SNX9: variants seen among roughly 807,000 people sequenced by gnomAD.
SNX9 encodes sorting nexin-9.
In SNX9, 44 loss-of-function variants were observed where a neutral mutation model predicts 89.4. The ratio of observed to expected loss-of-function variants is 0.49; its 90% CI spans 0.39 to 0.63. SNX9 has a LOEUF of 0.63. SNX9 is among the 30% of genes least tolerant of loss of function. SNX9 has a pLI of 0.00. For synonymous variants in SNX9, 236 were observed against 247.8 expected (o/e 0.95, Z 0.45); for missense variants, 578 against 736.1 (o/e 0.79, Z 2.49).
At chr6:157,829,546 T>G (rs1318421054) in intron 1 of SNX9, 1 of 152,212 alleles carries the variant, frequency 6.6e-6, no homozygotes, top group African/African-American at 2.4e-5. Context: ...CCTTACTAAT[T>G]GTGTTCCTCT....
intron 6 of SNX9, among the ~76,000 whole-genome samples, chr6:157,902,456 A>C (rs1028850676): frequency 2.4e-4 from 37 of 152,100 alleles, no homozygotes; most frequent in African/African-American, 8.7e-4. Context: ...TATCATTCGC[A>C]TGTAGCCCTC....
intron 4 of SNX9, 40 bp downstream of exon 4, chr6:157,875,216 C>T (rs368188192): frequency 1.3e-5 from 21 of 1,583,232 alleles, no homozygotes; most frequent in African/African-American, 8.1e-5. Flanking sequence ...GCTGGCTTTA[C>T]GGAAAACAGA....
At chr6:157,833,652 C>T (rs1781516588) in intron 1 of SNX9, among the ~76,000 whole-genome samples, 1 of 152,170 alleles carries the variant, frequency 6.6e-6, no homozygotes, top group African/African-American at 2.4e-5. Flanking sequence ...CCACCATGTG[C>T]CTTCTCCCTC....
chr6:157,879,913 A>G (rs910902310), intron 4 of SNX9, among the ~76,000 whole-genome samples: 3 of 152,246 alleles, frequency 2.0e-5, no homozygotes, highest in Admixed American at 1.3e-4. Flanking sequence ...TTTAAAAGCT[A>G]CTTAAAAGTT....
intron 1 of SNX9, among the ~76,000 whole-genome samples, chr6:157,828,117 A>T (rs1332049694): frequency 2.0e-5 from 3 of 152,156 alleles, no homozygotes; most frequent in Non-Finnish European, 4.4e-5. Flanking sequence ...GGTCTTAAGG[A>T]TTAAAGTTGA....
chr6:157,892,212 A>G (rs1050015286), intron 4 of SNX9, among the ~76,000 whole-genome samples: 26 of 152,204 alleles, frequency 1.7e-4, no homozygotes, highest in Non-Finnish European at 2.4e-4. Flanking sequence ...GTCTGTAGTT[A>G]GGGAACTACC....
At chr6:157,931,629 C>T (rs1163668421) in intron 12 of SNX9, among the ~76,000 whole-genome samples, 1 of 152,204 alleles carries the variant, frequency 6.6e-6, no homozygotes, top group Non-Finnish European at 1.5e-5. Flanking sequence ...CCTGGTCATG[C>T]GAAGTCTGAC....
At chr6:157,872,622 C>T (rs913668234) in intron 2 of SNX9, 2 of 152,570 alleles carry the variant, frequency 1.3e-5, no homozygotes, top group African/African-American at 4.8e-5. Context: ...TAGCAACCCA[C>T]ATTAATTCGT....
intron 3 of SNX9, 53 bp downstream of exon 3, chr6:157,873,229 T>C (rs1782451221): frequency 2.1e-6 from 3 of 1,424,472 alleles, no homozygotes; most frequent in Non-Finnish European, 2.8e-6. Flanking sequence ...CAGGCATCTT[T>C]TTATGAATTA....
intron 1 of SNX9, among the ~76,000 whole-genome samples, chr6:157,866,756 G>A (rs1782271047): frequency 6.6e-6 from 1 of 152,124 alleles, no homozygotes; most frequent in Non-Finnish European, 1.5e-5. Context: ...TAGATAAGGA[G>A]CAGTGAACAT....
chr6:157,929,617 T>A (rs146101013), intron 12 of SNX9, among the ~76,000 whole-genome samples: 73 of 152,302 alleles, frequency 4.8e-4, no homozygotes, highest in African/African-American at 1.7e-3. Context: ...TTAAAAAAAA[T>A]GTTTTATATT....
intron 4 of SNX9, 35 bp from the exon 5 acceptor site, chr6:157,896,792 A>G: frequency 6.2e-7 from 1 of 1,611,822 alleles, no homozygotes; most frequent in African/African-American, 1.3e-5. Context: ...TCCAAAAGTC[A>G]CAAAAATTCT....
chr6:157,844,017 G>A (rs1781753275), intron 1 of SNX9, among the ~76,000 whole-genome samples: 1 of 151,582 alleles, frequency 6.6e-6, no homozygotes, highest in Non-Finnish European at 1.5e-5. Context: ...TGGGATTACA[G>A]GCCCATACCT....
intron 12 of SNX9, among the ~76,000 whole-genome samples, chr6:157,930,112 T>C (rs1783778478): frequency 6.6e-6 from 1 of 152,230 alleles, no homozygotes; most frequent in Non-Finnish European, 1.5e-5. Flanking sequence ...TGCCAGGCCC[T>C]GCCTTACCTC....
At chr6:157,912,086 G>C (rs1783359101) in intron 9 of SNX9, among the ~76,000 whole-genome samples, 1 of 152,116 alleles carries the variant, frequency 6.6e-6, no homozygotes, top group Admixed American at 6.5e-5. Context: ...CCTCAACCCG[G>C]TTCAGACACT....
At chr6:157,889,805 G>T (rs1782818597) in intron 4 of SNX9, among the ~76,000 whole-genome samples, 1 of 152,156 alleles carries the variant, frequency 6.6e-6, no homozygotes, top group African/African-American at 2.4e-5. Context: ...CTTAGATGGG[G>T]ATTTACTCAA....
intron 9 of SNX9, among the ~76,000 whole-genome samples, chr6:157,920,064 C>T (rs990770309): frequency 9.9e-5 from 15 of 152,202 alleles, no homozygotes; most frequent in African/African-American, 3.1e-4. Context: ...TTGTACCCAA[C>T]CACCTCAGGC....
chr6:157,867,397 C>T, intron 1 of SNX9, 150 bp from the exon 2 acceptor site: 1 of 587,016 alleles, frequency 1.7e-6, no homozygotes, highest in Non-Finnish European at 3.1e-6. Flanking sequence ...GCAGATGAGT[C>T]ATTTTGGTAA....
intron 4 of SNX9, among the ~76,000 whole-genome samples, chr6:157,895,923 C>T (rs1782967936): frequency 6.6e-6 from 1 of 152,220 alleles, no homozygotes; most frequent in Non-Finnish European, 1.5e-5. Flanking sequence ...CAGGAGATCC[C>T]AGTCTACCTG....
Sources: allele counts gnomAD v4.1 joint callset (sites outside exome capture counted in the v4.1 genomes callset), GRCh38; gene constraint gnomAD v4.1.1; transcripts MANE v1.5; gene names NCBI Gene and HGNC (gene_info 2026-07-23, HGNC 2026-07-21).